The following HIBADH variants were observed in gnomAD, a reference collection of about 807,000 sequenced individuals.
HIBADH encodes the protein 3-hydroxyisobutyrate dehydrogenase, also known as 3-hydroxyisobutyrate dehydrogenase, mitochondrial.
Under a neutral mutation model 36.1 loss-of-function variants are expected in HIBADH, and 25 were observed. The observed-to-expected ratio is 0.69, with a 90% CI of 0.50 to 0.97. The LOEUF (loss-of-function observed/expected upper bound fraction) is 0.97. Among genes scored for constraint, HIBADH ranks in the 50% least tolerant of loss-of-function variants. HIBADH has a pLI of 0.00. For synonymous variants in HIBADH, 160 were observed against 149.5 expected (o/e 1.07, Z -0.51); for missense variants, 421 against 418.0 (o/e 1.01, Z -0.06).
chr7:27,531,400 G>C (rs879310169), intron 6 of HIBADH, 52 bp from the exon 7 acceptor site: 2 of 1,504,580 alleles, frequency 1.3e-6, no homozygotes, highest in Non-Finnish European at 1.8e-6. Context: ...TACACGTCGT[G>C]CGTGACTTAT....
At chr7:27,642,839 G>C (rs1434899455) in intron 2 of HIBADH, among the ~76,000 whole-genome samples, 1 of 151,890 alleles carries the variant, frequency 6.6e-6, no homozygotes, top group Non-Finnish European at 1.5e-5. Context: ...TTTTAGTAGA[G>C]ACGGGGTTTC....
chr7:27,621,831 G>A (rs578166775), intron 4 of HIBADH, among the ~76,000 whole-genome samples: 8 of 150,208 alleles, frequency 5.3e-5, no homozygotes, highest in Non-Finnish European at 8.8e-5. Context: ...GTATCTCTTC[G>A]CGCCACAATA....
intron 4 of HIBADH, among the ~76,000 whole-genome samples, chr7:27,597,394 G>A (rs1310145441): frequency 2.0e-5 from 3 of 151,990 alleles, no homozygotes; most frequent in Admixed American, 6.5e-5. Context: ...AGGGGAAAAC[G>A]ATGATTATTA....
At chr7:27,599,598 C>T (rs1258187859) in intron 4 of HIBADH, among the ~76,000 whole-genome samples, 9 of 136,894 alleles carry the variant, frequency 6.6e-5, no homozygotes, top group African/African-American at 2.5e-4. Flanking sequence ...AGGAGAATGG[C>T]GTGAACCCGG....
chr7:27,526,758 A>G (rs1446076695), intron 7 of HIBADH, among the ~76,000 whole-genome samples: 1 of 152,208 alleles, frequency 6.6e-6, no homozygotes, highest in Non-Finnish European at 1.5e-5. Flanking sequence ...ACAGTTGCAA[A>G]TATTACTTCA....
intron 4 of HIBADH, among the ~76,000 whole-genome samples, chr7:27,626,511 T>C (rs968718761): frequency 6.6e-6 from 1 of 152,192 alleles, no homozygotes; most frequent in African/African-American, 2.4e-5. Context: ...GTGGGTCTAA[T>C]AAGTATCAAA....
chr7:27,655,930 C>T (rs1786294211), intron 1 of HIBADH, among the ~76,000 whole-genome samples: 1 of 151,954 alleles, frequency 6.6e-6, no homozygotes, highest in African/African-American at 2.4e-5. Context: ...TATATTAGGT[C>T]GACCTTTTGG....
intron 4 of HIBADH, among the ~76,000 whole-genome samples, chr7:27,557,295 G>C (rs1784404975): frequency 6.6e-6 from 1 of 151,652 alleles, no homozygotes; most frequent in Non-Finnish European, 1.5e-5. Flanking sequence ...GCAGATAAGT[G>C]GTGTCTCCAT....
At chr7:27,604,692 T>A (rs1255260503) in intron 4 of HIBADH, among the ~76,000 whole-genome samples, 1 of 152,144 alleles carries the variant, frequency 6.6e-6, no homozygotes, top group East Asian at 1.9e-4. Flanking sequence ...TCTAGACTAC[T>A]TTCAAAAGTG....
intron 1 of HIBADH, among the ~76,000 whole-genome samples, chr7:27,659,648 C>T (rs756876930): frequency 6.6e-6 from 1 of 152,006 alleles, no homozygotes; most frequent in African/African-American, 2.4e-5. Context: ...CTTGAGCCCA[C>T]GAGGTTGAGG....
chr7:27,626,084 C>T (rs1356134866), intron 4 of HIBADH, among the ~76,000 whole-genome samples: 1 of 111,058 alleles, frequency 9.0e-6, no homozygotes. Flanking sequence ...GCCTGGGTGA[C>T]ACAGTGAGAC....
At chr7:27,631,892 A>G (rs1374519835) in intron 3 of HIBADH, among the ~76,000 whole-genome samples, 2 of 152,236 alleles carry the variant, frequency 1.3e-5, no homozygotes, top group African/African-American at 2.4e-5. Flanking sequence ...TTCTTACTAC[A>G]AACGTACTAA....
intron 4 of HIBADH, among the ~76,000 whole-genome samples, chr7:27,625,539 G>A (rs902199700): frequency 2.0e-5 from 3 of 152,002 alleles, no homozygotes; most frequent in Admixed American, 6.6e-5. Flanking sequence ...TCATCAGAGA[G>A]AAAAGAAAAT....
chr7:27,593,216 C>CAT (rs1456910874), intron 4 of HIBADH, among the ~76,000 whole-genome samples: 1 of 152,160 alleles, frequency 6.6e-6, no homozygotes, highest in Non-Finnish European at 1.5e-5. Flanking sequence ...AGCATCATGT[C>CAT]AGCCCTCAAA....
intron 3 of HIBADH, among the ~76,000 whole-genome samples, chr7:27,629,899 A>C (rs1304178560): frequency 6.6e-6 from 1 of 152,104 alleles, no homozygotes; most frequent in African/African-American, 2.4e-5. Flanking sequence ...AAAGTAATTT[A>C]TTTGTCTTTA....
intron 4 of HIBADH, among the ~76,000 whole-genome samples, chr7:27,626,396 A>C (rs576266602): frequency 6.6e-6 from 1 of 152,356 alleles, no homozygotes; most frequent in East Asian, 1.9e-4. Context: ...GATGATAAAC[A>C]TAACAGTTTA....
chr7:27,526,795 C>T (rs1482595730), intron 7 of HIBADH, among the ~76,000 whole-genome samples: 1 of 152,136 alleles, frequency 6.6e-6, no homozygotes, highest in Non-Finnish European at 1.5e-5. Flanking sequence ...AGTGTGCTGA[C>T]AATGTGCCAG....
At chr7:27,531,624 T>C (rs2128182968) in intron 6 of HIBADH, among the ~76,000 whole-genome samples, 1 of 152,342 alleles carries the variant, frequency 6.6e-6, no homozygotes, top group East Asian at 1.9e-4. Flanking sequence ...TACAATTGCA[T>C]AAAAATATTG....
intron 4 of HIBADH, among the ~76,000 whole-genome samples, chr7:27,565,963 A>G (rs1784542629): frequency 6.6e-6 from 1 of 152,144 alleles, no homozygotes; most frequent in Non-Finnish European, 1.5e-5. Context: ...TCTTCTTTAG[A>G]CTATTAATAT....
Sources: allele counts gnomAD v4.1 joint callset (sites outside exome capture counted in the v4.1 genomes callset), GRCh38; gene constraint gnomAD v4.1.1; transcripts MANE v1.5; gene names NCBI Gene and HGNC (gene_info 2026-07-23, HGNC 2026-07-21).